Variants in TAAR5 observed in about 807,000 individuals in gnomAD.
The protein encoded by TAAR5 is trace amine-associated receptor 5.
TAAR5 carries 27 observed loss-of-function variants against 21.1 expected under a neutral mutation model. The ratio of observed to expected loss-of-function variants is 1.28; its 90% CI spans 0.94 to 1.76. TAAR5 has a LOEUF of 1.76. Among genes scored for constraint, TAAR5 ranks in the 40% most tolerant of loss-of-function variants. The pLI, the probability that TAAR5 is intolerant of heterozygous loss-of-function variation, is 0.00. For missense variants in TAAR5, 495 were observed against 405.6 expected (o/e 1.22, Z -1.89); for synonymous variants, 203 against 167.5 (o/e 1.21, Z -1.64).
the TAAR5 span, among the ~76,000 whole-genome samples, chr6:132,604,214 G>T: frequency 6.7e-6 from 1 of 148,420 alleles, no homozygotes; most frequent in Non-Finnish European, 1.5e-5. Flanking sequence ...CATGATCTAG[G>T]CTCACTGCAA....
the TAAR5 span, among the ~76,000 whole-genome samples, chr6:132,599,323 C>CTTTTTTTTTT: frequency 1.2e-4 from 12 of 98,462 alleles, no homozygotes; most frequent in East Asian, 3.3e-4. Flanking sequence ...CTTTTCTTTT[C>CTTTTTTTTTT]TTTTTTTTTT....
At chr6:132,598,015 T>C in the TAAR5 span, among the ~76,000 whole-genome samples, 1 of 152,082 alleles carries the variant, frequency 6.6e-6, no homozygotes, top group Non-Finnish European at 1.5e-5. Context: ...AAGAGGGAAA[T>C]ATAGCTCAAC....
chr6:132,597,482 T>G, the TAAR5 span, among the ~76,000 whole-genome samples: 8 of 152,200 alleles, frequency 5.3e-5, no homozygotes, highest in Non-Finnish European at 8.8e-5. Context: ...TAAATCAAGT[T>G]GGAGTTTTGT....
the TAAR5 span, among the ~76,000 whole-genome samples, chr6:132,604,809 A>G: frequency 6.6e-6 from 1 of 152,208 alleles, no homozygotes; most frequent in South Asian, 2.1e-4. Context: ...ACCATTTACT[A>G]GGGTGTGGTG....
upstream of TAAR5, among the ~76,000 whole-genome samples, chr6:132,592,410 C>G (rs1392066778): frequency 6.6e-6 from 1 of 152,226 alleles, no homozygotes; most frequent in East Asian, 1.9e-4. Flanking sequence ...TTTCTATAGC[C>G]TGTTGTCTAT....
Position 132,589,730 on chromosome 6 carries a change from T to G in TAAR5, c.-44A>C. The G allele has an allele frequency of 4.1e-6, 1 of 246,690 alleles. No homozygotes were observed. The highest frequency in any genetic ancestry group is 7.1e-6 in the Non-Finnish European group (1 of 140,148). The allele number at this position is 246,690 out of a possible 1,614,324, so 15.3% of individuals were successfully genotyped here. A position where few individuals can be genotyped will look rare whatever the true frequency, so the allele number is the denominator to read the frequency against. On this transcript the variant is annotated 5_prime_UTR_variant, in exon 1 of 1. Coordinates refer to ENST00000258034, the MANE Select transcript of TAAR5 (RefSeq NM_003967.3). ...CTCTGTCTGAGAACTGGCCACCTTC[T>G]CCACTGGAGGGCAAAAAAAAAAAAA...
chr6:132,602,256 T>C, the TAAR5 span, among the ~76,000 whole-genome samples: 6 of 152,304 alleles, frequency 3.9e-5, no homozygotes, highest in Non-Finnish European at 7.4e-5. Flanking sequence ...GTGCACTTTA[T>C]TTCTATTATT....
At chr6:132,604,267 C>T in the TAAR5 span, among the ~76,000 whole-genome samples, 1 of 151,494 alleles carries the variant, frequency 6.6e-6, no homozygotes, top group Non-Finnish European at 1.5e-5. Flanking sequence ...CCTCAGCCTC[C>T]TGCGTAGCTG....
chr6:132,601,007 A>G, the TAAR5 span, among the ~76,000 whole-genome samples: 2 of 99,136 alleles, frequency 2.0e-5, no homozygotes, highest in Admixed American at 9.1e-5. Flanking sequence ...GAAGGAGGGA[A>G]GGAAGGAAGG....
the TAAR5 span, among the ~76,000 whole-genome samples, chr6:132,599,853 G>T: frequency 6.6e-6 from 1 of 152,054 alleles, no homozygotes; most frequent in Admixed American, 6.5e-5. Context: ...TATAAATTTT[G>T]ATTGCTTCAG....
At chr6:132,615,299 T>G in the TAAR5 span, among the ~76,000 whole-genome samples, 2 of 152,224 alleles carry the variant, frequency 1.3e-5, no homozygotes, top group African/African-American at 2.4e-5. Context: ...TGCTGGCTAA[T>G]ATCCAAGGGA....
chr6:132,610,367 T>C, the TAAR5 span, among the ~76,000 whole-genome samples: 1 of 152,104 alleles, frequency 6.6e-6, no homozygotes, highest in Admixed American at 6.6e-5. Flanking sequence ...TAGGCCTATG[T>C]TGAATTCTCC....
At position 132,589,679 on chromosome 6, in the gene TAAR5, G is replaced by GCTCTCATTT; in HGVS notation, c.-2_7dup (p.Arg2_Ala3insGluMetArg). ...CTCTTCAGCACCTTGGATGAAGACAGCTCTCATTTATGATTTCTACTCTTC... is the reference window on the plus strand; with the variant it reads ...CTCTTCAGCACCTTGGATGAAGACAGCTCTCATTTCTCTCATTTATGATTTCTACTCTTC... On this transcript the variant is annotated inframe_insertion, in exon 1 of 1. Coordinates refer to ENST00000258034, the MANE Select transcript of TAAR5 (RefSeq NM_003967.3). The GCTCTCATTT allele has an allele frequency of 7.1e-7, 1 of 1,410,922 alleles. No homozygotes were observed. The highest frequency in any genetic ancestry group is 9.4e-7 in the Non-Finnish European group (1 of 1,061,112). The allele number at this position is 1,410,922 out of a possible 1,614,324, so 87.4% of individuals were successfully genotyped here.
chr6:132,593,898 G>A (rs2114580689), upstream of TAAR5, among the ~76,000 whole-genome samples: 2 of 152,262 alleles, frequency 1.3e-5, 1 homozygote, highest in South Asian at 4.1e-4. Context: ...AACTGTCTGT[G>A]TCTTTCTCCC....
chr6:132,593,624 C>A (rs1346109717), upstream of TAAR5, among the ~76,000 whole-genome samples: 3 of 152,102 alleles, frequency 2.0e-5, no homozygotes, highest in Non-Finnish European at 2.9e-5. Flanking sequence ...TGTGGACACC[C>A]TTGTAAAGTT....
the TAAR5 span, among the ~76,000 whole-genome samples, chr6:132,616,439 C>T: frequency 3.3e-5 from 5 of 152,202 alleles, no homozygotes; most frequent in Admixed American, 6.5e-5. Flanking sequence ...GATGAGCCTA[C>T]GGAGGAAAGG....
the TAAR5 span, among the ~76,000 whole-genome samples, chr6:132,603,988 T>C: frequency 1.4e-3 from 212 of 152,126 alleles, 2 homozygotes; most frequent in African/African-American, 5.0e-3. Context: ...TAAGTTAAAG[T>C]TTATAAATTA....
the TAAR5 span, among the ~76,000 whole-genome samples, chr6:132,615,652 T>C: frequency 2.0e-5 from 3 of 151,992 alleles, no homozygotes; most frequent in Admixed American, 2.0e-4. Flanking sequence ...AGGAAGCCAG[T>C]ATACAGGACA....
the TAAR5 span, among the ~76,000 whole-genome samples, chr6:132,605,747 A>C: frequency 6.6e-6 from 1 of 152,190 alleles, no homozygotes; most frequent in Non-Finnish European, 1.5e-5. Flanking sequence ...AAACCTGCAC[A>C]TGTACCCCCT....
Sources: allele counts gnomAD v4.1 joint callset (sites outside exome capture counted in the v4.1 genomes callset), GRCh38; gene constraint gnomAD v4.1.1; transcripts MANE v1.5; gene names NCBI Gene and HGNC (gene_info 2026-07-23, HGNC 2026-07-21).